The following WDPCP variants were observed in gnomAD, a reference collection of about 807,000 sequenced individuals.
WDPCP encodes WD repeat-containing and planar cell polarity effector protein fritz homolog.
Under a neutral mutation model 93.1 loss-of-function variants are expected in WDPCP, and 71 were observed. That is an observed-to-expected ratio of 0.76 (90% confidence interval 0.63 to 0.93). The LOEUF (loss-of-function observed/expected upper bound fraction) is 0.93. WDPCP is among the 40% of genes least tolerant of loss of function. The pLI, the probability that WDPCP is intolerant of heterozygous loss-of-function variation, is 0.00. For missense variants in WDPCP, 844 were observed against 887.4 expected (o/e 0.95, Z 0.62); for synonymous variants, 315 against 315.0 (o/e 1.00, Z 0.00).
intron 12 of WDPCP, among the ~76,000 whole-genome samples, chr2:63,336,654 T>G (rs1249511693): frequency 1.3e-5 from 2 of 152,176 alleles, no homozygotes; most frequent in East Asian, 1.9e-4. Context: ...TTTCTTATGT[T>G]GAAATGCCCT....
rs75506761 is a variant in WDPCP, at chr2:63,355,269, G to A, written c.1748+23117C>T. 6.3e-3 allele frequency among the ~76,000 whole-genome samples: 961 copies of A among 152,268 alleles called. 13 individuals carry two copies. Among genetic ancestry groups the A allele is most frequent in the African/African-American group, 0.021 (887 of 41,542 alleles). On this transcript the variant is annotated intron_variant, in intron 12 of 17. Coordinates refer to ENST00000272321, the MANE Select transcript of WDPCP (RefSeq NM_015910.7). ...CTCTCAGCTGAAACCTTACAGGCCA[G>A]AAGAGATTGGGCACCTATATTCAAC...
At chr2:63,417,936 T>A (rs1695552865) in intron 9 of WDPCP, among the ~76,000 whole-genome samples, 1 of 151,908 alleles carries the variant, frequency 6.6e-6, no homozygotes, top group Non-Finnish European at 1.5e-5. Context: ...ATTCATTCAG[T>A]TCTTCTAGGA....
intron 1 of WDPCP, among the ~76,000 whole-genome samples, chr2:63,584,340 G>A (rs938559550): frequency 2.0e-5 from 3 of 152,014 alleles, no homozygotes; most frequent in South Asian, 2.1e-4. Context: ...GTTTGAAATC[G>A]TGAACAACAG....
intron 17 of WDPCP, among the ~76,000 whole-genome samples, chr2:63,149,669 A>G (rs1481190754): frequency 6.6e-6 from 1 of 152,234 alleles, no homozygotes; most frequent in African/African-American, 2.4e-5. Context: ...GAACATACCT[A>G]CATCTACATA....
At chr2:63,560,848 G>A (rs922700810) in intron 1 of WDPCP, among the ~76,000 whole-genome samples, 3 of 152,154 alleles carry the variant, frequency 2.0e-5, no homozygotes, top group Non-Finnish European at 4.4e-5. Context: ...AGGGGCCTGG[G>A]GGAGGCATAG....
At chr2:63,690,157 T>C (rs886566353) in intron 2 of WDPCP, among the ~76,000 whole-genome samples, 1 of 152,236 alleles carries the variant, frequency 6.6e-6, no homozygotes, top group Non-Finnish European at 1.5e-5. Flanking sequence ...CAGTCTGTTC[T>C]ACCCTGTTCA....
At chr2:63,787,865 C>A (rs990097050) in intron 2 of WDPCP, among the ~76,000 whole-genome samples, 1 of 151,854 alleles carries the variant, frequency 6.6e-6, no homozygotes, top group Non-Finnish European at 1.5e-5. Flanking sequence ...CATGGTAAGA[C>A]CCCATCTCTA....
intron 1 of WDPCP, among the ~76,000 whole-genome samples, chr2:63,581,483 C>G (rs1015736827): frequency 6.6e-6 from 1 of 152,130 alleles, no homozygotes; most frequent in Non-Finnish European, 1.5e-5. Context: ...GGGAATAGTG[C>G]CTGTTCTCAC....
intron 6 of WDPCP, among the ~76,000 whole-genome samples, chr2:63,478,244 G>C (rs1700078373): frequency 6.6e-6 from 1 of 151,820 alleles, no homozygotes; most frequent in African/African-American, 2.4e-5. Context: ...TATTAGCAAG[G>C]GACTTCAATA....
intron 1 of WDPCP, among the ~76,000 whole-genome samples, chr2:63,509,673 T>TA (rs1702103896): frequency 6.6e-6 from 1 of 151,626 alleles, no homozygotes; most frequent in Admixed American, 6.6e-5. Flanking sequence ...ACAAAATAGA[T>TA]AGACCACTAG....
At chr2:63,660,107 C>T (rs1303013653) in intron 2 of WDPCP, among the ~76,000 whole-genome samples, 1 of 152,080 alleles carries the variant, frequency 6.6e-6, no homozygotes, top group African/African-American at 2.4e-5. Context: ...AGCCTTTTAT[C>T]TTTGGCAATA....
At chr2:63,320,302 A>T (rs773643635) in intron 12 of WDPCP, among the ~76,000 whole-genome samples, 10 of 152,216 alleles carry the variant, frequency 6.6e-5, no homozygotes, top group Admixed American at 1.3e-4. Context: ...TCACAAGTAG[A>T]ACTACACCGT....
At chr2:63,392,778 A>G (rs981506633) in intron 10 of WDPCP, among the ~76,000 whole-genome samples, 2 of 152,246 alleles carry the variant, frequency 1.3e-5, no homozygotes, top group African/African-American at 2.4e-5. Flanking sequence ...CAATAGACAC[A>G]TGAAAAAATG....
intron 12 of WDPCP, among the ~76,000 whole-genome samples, chr2:63,348,561 G>A (rs577779794): frequency 2.7e-4 from 41 of 152,192 alleles, no homozygotes; most frequent in Middle Eastern, 3.4e-3. Context: ...GTAATAGACT[G>A]ACTCTATTAC....
At chr2:63,352,914 T>TA (rs1354902472) in intron 12 of WDPCP, among the ~76,000 whole-genome samples, 3 of 152,132 alleles carry the variant, frequency 2.0e-5, no homozygotes, top group African/African-American at 4.8e-5. Flanking sequence ...GTTATGCTAA[T>TA]AAAAAAACTA....
intron 14 of WDPCP, among the ~76,000 whole-genome samples, chr2:63,196,073 A>G (rs969003393): frequency 2.6e-5 from 4 of 152,248 alleles, no homozygotes; most frequent in African/African-American, 9.6e-5. Context: ...TGTGTATCAT[A>G]GTAAAAAGTG....
At chr2:63,143,202 C>T (rs1332496424) in intron 17 of WDPCP, among the ~76,000 whole-genome samples, 1 of 152,078 alleles carries the variant, frequency 6.6e-6, no homozygotes, top group African/African-American at 2.4e-5. Context: ...ACTGCTGTTA[C>T]TTTAAAATTT....
Position 63,685,792 on chromosome 2 carries a change from G to C in WDPCP, n.309-34954C>G, listed in dbSNP as rs188248390. 8.5e-4 allele frequency among the ~76,000 whole-genome samples: 129 copies of C among 152,242 alleles called. No individual in the cohort carries two copies. In the Middle Eastern group the frequency reaches 0.031, roughly 36 times the overall value. On this transcript the variant is annotated intron_variant and non_coding_transcript_variant, in intron 2 of 4. Transcript: ENST00000467687. Reference sequence around the variant, plus strand: ...AGATTTATCCCAGGTATGCAAGAATGGTTTGATTTGTGCAAATAAATAAAT... The same window carrying C: ...AGATTTATCCCAGGTATGCAAGAATCGTTTGATTTGTGCAAATAAATAAAT...
intron 2 of WDPCP, among the ~76,000 whole-genome samples, chr2:63,700,453 G>A (rs1669031562): frequency 6.6e-6 from 1 of 152,222 alleles, no homozygotes; most frequent in Middle Eastern, 3.4e-3. Context: ...CAGACATGGT[G>A]AGTGAGAGAG....
Sources: gnomAD v4.1 joint callset for allele counts (sites outside exome capture counted in the v4.1 genomes callset) on GRCh38, gnomAD v4.1.1 for gene constraint, MANE v1.5 for transcripts, NCBI Gene and HGNC (gene_info 2026-07-23, HGNC 2026-07-21) for gene names.